GPC6: variants seen among roughly 807,000 people sequenced by gnomAD.
GPC6 encodes the protein glypican-6.
GPC6 carries 14 observed loss-of-function variants against 55.2 expected under a neutral mutation model. That is an observed-to-expected ratio of 0.25 (90% CI 0.17 to 0.40). The LOEUF (loss-of-function observed/expected upper bound fraction) is 0.40. Ranked by LOEUF, GPC6 falls within the 10% of genes least tolerant of loss-of-function variation. GPC6 has a pLI of 1.00. For missense variants in GPC6, 641 were observed against 708.5 expected, an observed-to-expected ratio of 0.90 and a Z score of 1.08; for synonymous variants, 278 against 259.6, an observed-to-expected ratio of 1.07 and a Z score of -0.68.
chr13:94,271,355 TACACACACACACGCGCGCGCGCGC>T (rs1487183999), intron 4 of GPC6, among the ~76,000 whole-genome samples: 7 of 128,166 alleles, frequency 5.5e-5, no homozygotes, highest in African/African-American at 2.0e-4. Flanking sequence ...ACTTGTTAAA[TACACACACACACGCGCGCGCGCGC>T]GCGCACACAC....
chr13:93,349,222 G>A lies in GPC6; in HGVS notation c.160+121606G>A, dbSNP rs1880536177. Among the ~76,000 whole-genome samples, 6 of 151,720 alleles carry A rather than the reference G, an allele frequency of 4.0e-5. No homozygotes were observed. In the South Asian group the frequency reaches 1.3e-3, roughly 32 times the overall value. ...TTTGAATCTTTTGCCAAAATTTAAG[G>A]AGTTTGTTGATCTTTGTAGTCTCCC... On this transcript the variant is annotated intron_variant, in intron 1 of 8. Transcript: ENST00000377047.
At chr13:93,971,627 A>G (rs1167499243) in intron 3 of GPC6, among the ~76,000 whole-genome samples, 3 of 152,236 alleles carry the variant, frequency 2.0e-5, no homozygotes, top group Non-Finnish European at 4.4e-5. Flanking sequence ...ATGTGATGCT[A>G]CAGACTGTCT....
intron 2 of GPC6, among the ~76,000 whole-genome samples, chr13:93,761,079 T>C (rs1012188675): frequency 6.6e-6 from 1 of 152,208 alleles, no homozygotes. Flanking sequence ...TTTTGAAATT[T>C]ATATTGCATT....
intron 4 of GPC6, among the ~76,000 whole-genome samples, chr13:94,149,163 G>GC (rs1235695822): frequency 6.6e-6 from 1 of 152,064 alleles, no homozygotes; most frequent in Non-Finnish European, 1.5e-5. Flanking sequence ...ATCTTTGTGT[G>GC]CCTCCCTTCC....
At chr13:93,815,207 C>A (rs1484012732) in intron 2 of GPC6, among the ~76,000 whole-genome samples, 1 of 152,012 alleles carries the variant, frequency 6.6e-6, no homozygotes, top group Admixed American at 6.6e-5. Flanking sequence ...ATATAACATA[C>A]AACTAATAAC....
chr13:93,748,390 A>AT (rs566836786), intron 2 of GPC6, among the ~76,000 whole-genome samples: 71 of 149,516 alleles, frequency 4.7e-4, no homozygotes, highest in African/African-American at 7.4e-4. Flanking sequence ...TTGTGATTTA[A>AT]TTTTTTTTTG....
chr13:93,933,914 A>G (rs905732131), intron 3 of GPC6, among the ~76,000 whole-genome samples: 5 of 152,156 alleles, frequency 3.3e-5, no homozygotes, highest in Non-Finnish European at 7.4e-5. Context: ...CTTCTTTCAT[A>G]AAATTTCGCT....
chr13:93,311,731 A>G (rs1242431535), intron 1 of GPC6, among the ~76,000 whole-genome samples: 1 of 152,196 alleles, frequency 6.6e-6, no homozygotes, highest in Non-Finnish European at 1.5e-5. Context: ...ATGCAGTGCC[A>G]GTTTTCTGTC....
the GPC6 span, among the ~76,000 whole-genome samples, chr13:93,218,222 T>G: frequency 6.6e-6 from 1 of 151,878 alleles, no homozygotes; most frequent in Non-Finnish European, 1.5e-5. Flanking sequence ...GCGAAGTTAA[T>G]ATAGAAGCAA....
intron 1 of GPC6, among the ~76,000 whole-genome samples, chr13:93,437,099 G>T (rs977486828): frequency 6.6e-6 from 1 of 151,944 alleles, no homozygotes; most frequent in Non-Finnish European, 1.5e-5. Flanking sequence ...TTGTCTTGGA[G>T]CACCATGAAT....
At chr13:93,689,134 C>A (rs1171100482) in intron 2 of GPC6, among the ~76,000 whole-genome samples, 2 of 151,904 alleles carry the variant, frequency 1.3e-5, no homozygotes, top group Non-Finnish European at 2.9e-5. Flanking sequence ...CTAAGTCTAA[C>A]CCTGCTTAGT....
intron 3 of GPC6, among the ~76,000 whole-genome samples, chr13:93,836,957 C>T (rs911039004): frequency 1.3e-5 from 2 of 152,088 alleles, no homozygotes; most frequent in Admixed American, 1.3e-4. Context: ...GTTGAGTCTC[C>T]AGCAGTAAGA....
chr13:94,277,899 C>T (rs554305059), intron 4 of GPC6, among the ~76,000 whole-genome samples: 26 of 151,594 alleles, frequency 1.7e-4, no homozygotes, highest in African/African-American at 6.0e-4. Context: ...CTTGGCTGTT[C>T]TTGTTCTTTG....
chr13:93,946,580 A>G (rs1373455035), intron 3 of GPC6, among the ~76,000 whole-genome samples: 5 of 152,262 alleles, frequency 3.3e-5, no homozygotes, highest in Admixed American at 2.6e-4. Context: ...ACATCCATAA[A>G]TAAATACTTA....
intron 1 of GPC6, among the ~76,000 whole-genome samples, chr13:93,450,368 G>C (rs1479040572): frequency 1.3e-5 from 2 of 152,162 alleles, no homozygotes; most frequent in Non-Finnish European, 2.9e-5. Flanking sequence ...AATTATGTGA[G>C]CCTCCTCATC....
At chr13:93,520,934 A>G (rs1028100869) in intron 1 of GPC6, among the ~76,000 whole-genome samples, 3 of 151,974 alleles carry the variant, frequency 2.0e-5, no homozygotes, top group Non-Finnish European at 4.4e-5. Flanking sequence ...GGTGAGCCAA[A>G]GAGTTTCATC....
intron 1 of GPC6, among the ~76,000 whole-genome samples, chr13:93,239,304 A>T (rs1022835815): frequency 6.6e-6 from 1 of 151,852 alleles, no homozygotes; most frequent in Non-Finnish European, 1.5e-5. Flanking sequence ...TTCTGATTCA[A>T]GCTTGGGGTT....
At chr13:94,156,476 G>C (rs578245852) in intron 4 of GPC6, among the ~76,000 whole-genome samples, 1 of 152,080 alleles carries the variant, frequency 6.6e-6, no homozygotes, top group Non-Finnish European at 1.5e-5. Flanking sequence ...GATCCAACAG[G>C]TACACCTATA....
At chr13:93,735,100 G>A (rs898953580) in intron 2 of GPC6, among the ~76,000 whole-genome samples, 2 of 151,952 alleles carry the variant, frequency 1.3e-5, no homozygotes, top group African/African-American at 4.8e-5. Flanking sequence ...AATGATTTTT[G>A]TGTCAATAAA....
Sources: allele counts gnomAD v4.1 joint callset (sites outside exome capture counted in the v4.1 genomes callset), GRCh38; gene constraint gnomAD v4.1.1; transcripts MANE v1.5; gene names NCBI Gene and HGNC (gene_info 2026-07-23, HGNC 2026-07-21).